The following MYO5B variants were observed in gnomAD, a reference collection of about 807,000 sequenced individuals.
The protein encoded by MYO5B is unconventional myosin-Vb.
MYO5B carries 143 observed loss-of-function variants against 229.3 expected under a neutral mutation model. The observed-to-expected ratio is 0.62, with a 90% CI of 0.54 to 0.72. MYO5B has a LOEUF of 0.72. Ranked by LOEUF, MYO5B falls within the 30% of genes least tolerant of loss-of-function variation. MYO5B has a pLI of 0.00. For synonymous variants in MYO5B, 918 were observed against 885.2 expected (o/e 1.04, Z -0.66); for missense variants, 2,321 against 2,331.0 (o/e 1.00, Z 0.09).
chr18:50,178,246 C>T lies in MYO5B; in HGVS notation c.27+16521G>A, dbSNP rs183575236. 3.3e-5 allele frequency among the ~76,000 whole-genome samples: 5 copies of T among 152,296 alleles called. No individual in the cohort carries two copies. The East Asian group carries it at 5.8e-4, about 18-fold the overall frequency. Reference sequence around the variant, plus strand: ...CTTCAGACTCAGATCACCACCAATGCTCCCAGCCCAAACTGGCACAAAGTA... The same window carrying T: ...CTTCAGACTCAGATCACCACCAATGTTCCCAGCCCAAACTGGCACAAAGTA... On this transcript the variant is annotated intron_variant, in intron 1 of 39. Coordinates refer to ENST00000285039, the MANE Select transcript of MYO5B (RefSeq NM_001080467.3).
At chr18:49,839,627 G>A (rs1020404957) in intron 35 of MYO5B, among the ~76,000 whole-genome samples, 7 of 152,184 alleles carry the variant, frequency 4.6e-5, no homozygotes, top group Non-Finnish European at 8.8e-5. Flanking sequence ...TTCATCCAGC[G>A]CTTTCCTCAA....
chr18:50,195,005 A>C lies in MYO5B; in HGVS notation c.-212T>G. On this transcript the variant is annotated 5_prime_UTR_variant, in exon 1 of 40. Coordinates refer to ENST00000285039, the MANE Select transcript of MYO5B (RefSeq NM_001080467.3). Reference sequence around the variant, plus strand: ...TTACTCCCGCCGCGGCGGCGCAGCTACGGCCGGACAGGAGTTGCGAGCGCC... The same window carrying C: ...TTACTCCCGCCGCGGCGGCGCAGCTCCGGCCGGACAGGAGTTGCGAGCGCC... 5 of 566,238 alleles carry C rather than the reference A, an allele frequency of 8.8e-6. No individual in the cohort carries two copies. The highest frequency in any genetic ancestry group is 4.7e-5 in the Admixed American group (1 of 21,108). The allele number at this position is 566,238 out of a possible 1,614,324, so 35.1% of individuals were successfully genotyped here. A position where few individuals can be genotyped will look rare whatever the true frequency, so the allele number is the denominator to read the frequency against.
chr18:49,997,267 T>TAAAA (rs58927375), intron 5 of MYO5B, among the ~76,000 whole-genome samples: 136 of 101,176 alleles, frequency 1.3e-3, no homozygotes, highest in Non-Finnish European at 2.1e-3. Flanking sequence ...GTCCTGTCTT[T>TAAAA]AAAAAAAAAA....
chr18:49,859,276 C>G (rs746399316), intron 29 of MYO5B, among the ~76,000 whole-genome samples: 73 of 152,190 alleles, frequency 4.8e-4, no homozygotes, highest in Non-Finnish European at 8.5e-4. Flanking sequence ...AATTACTAAC[C>G]TTATTGCAAA....
chr18:50,059,200 G>C (rs1400984808), intron 1 of MYO5B, among the ~76,000 whole-genome samples: 9 of 152,214 alleles, frequency 5.9e-5, no homozygotes, highest in Non-Finnish European at 1.3e-4. Flanking sequence ...CTGAGTATAG[G>C]AATCAGTGAA....
At chr18:50,166,060 C>T (rs928534880) in intron 1 of MYO5B, among the ~76,000 whole-genome samples, 2 of 152,186 alleles carry the variant, frequency 1.3e-5, no homozygotes, top group African/African-American at 4.8e-5. Context: ...TTCCTGTCCT[C>T]CTTTTTCAGC....
chr18:50,022,341 A>G (rs999399135), intron 4 of MYO5B, among the ~76,000 whole-genome samples: 5 of 152,338 alleles, frequency 3.3e-5, no homozygotes, highest in Admixed American at 2.6e-4. Flanking sequence ...TAACATTCAT[A>G]TATCACTTAT....
At chr18:49,974,779 T>TCACACACACACACACACA (rs111420791) in intron 9 of MYO5B, among the ~76,000 whole-genome samples, 164 bp from the exon 10 acceptor site, 96 of 117,016 alleles carry the variant, frequency 8.2e-4, no homozygotes, top group African/African-American at 2.0e-3. Context: ...GCAGTCTCTC[T>TCACACACACACACACACA]CACACACACA....
rs1568059092 is a variant in MYO5B at position 49,984,821 on chromosome 18, ACTTGC to A, written c.839-1_842del. ...GTGATGTATAGAAAAAGTCCTCTGC[ACTTGC>A]TGTGGGAGGCGAGGAAATAAGGCAT... On this transcript the variant is annotated splice_acceptor_variant and coding_sequence_variant, in exon 8 of 40. Transcript: ENST00000285039. LOFTEE classifies it high-confidence loss of function. 1 of 1,604,422 alleles carries A rather than the reference ACTTGC, an allele frequency of 6.2e-7. No homozygotes were observed. The highest frequency in any genetic ancestry group is 8.5e-7 in the Non-Finnish European group (1 of 1,171,150).
rs530941573 is a variant in MYO5B at position 49,855,825 on chromosome 18, A to C, written c.4022+988T>G. Among the ~76,000 whole-genome samples the C allele has an allele frequency of 3.9e-5, 6 of 152,308 alleles. 1 individual carries two copies. The highest frequency in any genetic ancestry group is 1.4e-4 in the African/African-American group (6 of 41,582). On this transcript the variant is annotated intron_variant, in intron 30 of 39. Transcript: ENST00000285039. ...ATGCTCTTGGTGCAACAGTACCTCT[A>C]CTACATCCTCAGCAGGCGGCAAGGA...
At position 49,904,396 on chromosome 18, in the gene MYO5B, T is replaced by C. The variant is rs1465639101; in HGVS notation, c.2571+276A>G. Among the ~76,000 whole-genome samples, 3 of 152,276 alleles carry C rather than the reference T, an allele frequency of 2.0e-5. No homozygotes were observed. The East Asian group carries it at 5.8e-4, about 29-fold the overall frequency. ...AGAAGCAGATGTTCAATTGTGAACT[T>C]TCTGGCCACCAGAATTGTGAGCCAA... On this transcript the variant is annotated intron_variant, in intron 20 of 39. Coordinates refer to ENST00000285039, the MANE Select transcript of MYO5B (RefSeq NM_001080467.3).
intron 1 of MYO5B, among the ~76,000 whole-genome samples, chr18:50,086,543 GTTC>G (rs2038261635): frequency 6.6e-6 from 1 of 152,202 alleles, no homozygotes; most frequent in South Asian, 2.1e-4. Flanking sequence ...CTTGACAAGT[GTTC>G]TTTACTCACT....
intron 1 of MYO5B, among the ~76,000 whole-genome samples, chr18:50,109,659 G>A (rs113309396): frequency 1.3e-5 from 2 of 151,796 alleles, no homozygotes; most frequent in Admixed American, 6.6e-5. Flanking sequence ...ATCTCCTGAC[G>A]TTGTGATCCA....
At chr18:50,165,243 G>A (rs2032828055) in intron 1 of MYO5B, among the ~76,000 whole-genome samples, 1 of 152,172 alleles carries the variant, frequency 6.6e-6, no homozygotes, top group Non-Finnish European at 1.5e-5. Flanking sequence ...AGGACTCTGG[G>A]TGGCTGAGGC....
intron 1 of MYO5B, among the ~76,000 whole-genome samples, chr18:50,071,276 C>T (rs1336090063): frequency 6.6e-6 from 1 of 152,228 alleles, no homozygotes; most frequent in Non-Finnish European, 1.5e-5. Flanking sequence ...ACTGTTTGTT[C>T]ATGCTTGCCC....
chr18:49,847,435 G>A, intron 32 of MYO5B, 146 bp from the exon 33 acceptor site: 1 of 995,056 alleles, frequency 1.0e-6, no homozygotes, highest in Non-Finnish European at 1.5e-6. Flanking sequence ...TGGGGCAGGG[G>A]GCATACTGGG....
intron 1 of MYO5B, 49 bp downstream of exon 1, chr18:50,194,718 C>G (rs1291127374): frequency 7.3e-7 from 1 of 1,363,040 alleles, no homozygotes; most frequent in South Asian, 1.3e-5. Context: ...TAGGTGGCCC[C>G]GAGCGCGCCA....
At chr18:49,864,481 T>C in intron 27 of MYO5B, 101 bp from the exon 28 acceptor site, 1 of 1,526,062 alleles carries the variant, frequency 6.6e-7, no homozygotes, top group Non-Finnish European at 8.9e-7. Context: ...CTGGGAAACT[T>C]CGCTCTTTAA....
At chr18:49,925,273 A>G (rs2025116440) in intron 17 of MYO5B, among the ~76,000 whole-genome samples, 1 of 152,198 alleles carries the variant, frequency 6.6e-6, no homozygotes, top group Non-Finnish European at 1.5e-5. Context: ...TATCCCCACC[A>G]ATTGCCAATC....
Sources: gnomAD v4.1 joint callset for allele counts (sites outside exome capture counted in the v4.1 genomes callset) on GRCh38, gnomAD v4.1.1 for gene constraint, MANE v1.5 for transcripts, NCBI Gene and HGNC (gene_info 2026-07-23, HGNC 2026-07-21) for gene names.